The following NIPSNAP3B variants were observed in gnomAD, a reference collection of about 807,000 sequenced individuals.
The protein encoded by NIPSNAP3B is nipsnap homolog 3B, also known as protein NipSnap homolog 3B.
Under a neutral mutation model 31.5 loss-of-function variants are expected in NIPSNAP3B, and 30 were observed. The ratio of observed to expected loss-of-function variants is 0.95; its 90% CI spans 0.71 to 1.29. The LOEUF is 1.29. Ranked by LOEUF, NIPSNAP3B falls within the 50% of genes most tolerant of loss-of-function variation. The pLI, the probability that NIPSNAP3B is intolerant of heterozygous loss-of-function variation, is 0.00. For missense variants in NIPSNAP3B, 269 were observed against 300.7 expected, an observed-to-expected ratio of 0.89 and a Z score of 0.78; for synonymous variants, 106 against 107.9, an observed-to-expected ratio of 0.98 and a Z score of 0.11.
At chr9:104,787,847 A>G in the NIPSNAP3B span, 6 of 1,613,664 alleles carry the variant, frequency 3.7e-6, no homozygotes, top group African/African-American at 6.7e-5. Flanking sequence ...AGCCCTGGAC[A>G]TATAGGACTT....
At position 104,769,015 on chromosome 9, in the gene NIPSNAP3B, A is replaced by G; in HGVS notation, c.424A>G (p.Lys142Glu). ...IPWSKLEKPP[K>E]EGVYELAVFQ... The stretch of plus-strand genomic sequence containing the variant: ...ATGGTCCAAATTAGAAAAGCCTCCA[A>G]AAGAAGGTGAGTTCTTCCCTCTTAG... Residue 142 changes from lysine to glutamate, a missense_variant, in exon 3 of 6, where the codon AAA (lysine) becomes GAA (glutamate). Lys to Glu is a moderately conservative substitution (Grantham distance 56). Coordinates refer to ENST00000374762, the MANE Select transcript of NIPSNAP3B (RefSeq NM_018376.4). 2 of 1,612,070 alleles carry G rather than the reference A, an allele frequency of 1.2e-6. No homozygotes were observed. The highest frequency in any genetic ancestry group is 1.7e-6 in the Non-Finnish European group (2 of 1,179,220).
chr9:104,764,224 A>C lies in NIPSNAP3B; in HGVS notation c.-17A>C, dbSNP rs1295243193. Reference sequence around the variant, plus strand: ...AAGGACTCGGCTGGCTGCTTTTCTCAGTGCCGAAGCCGCGCCATGCTCGTT... The same window carrying C: ...AAGGACTCGGCTGGCTGCTTTTCTCCGTGCCGAAGCCGCGCCATGCTCGTT... On this transcript the variant is annotated 5_prime_UTR_variant, in exon 1 of 6. Transcript: ENST00000374762. 3.1e-6 allele frequency: 5 copies of C among 1,598,902 alleles called. No homozygotes were observed. The highest frequency in any genetic ancestry group is 4.3e-6 in the Non-Finnish European group (5 of 1,174,656).
chr9:104,786,005 C>A, the NIPSNAP3B span, among the ~76,000 whole-genome samples: 1 of 152,140 alleles, frequency 6.6e-6, no homozygotes, highest in Non-Finnish European at 1.5e-5. Context: ...CTCACCAGTA[C>A]TGGCACATGT....
rs966994939 is a variant in NIPSNAP3B at position 104,774,302 on chromosome 9, C to A, written c.*1229C>A. On this transcript the variant is annotated 3_prime_UTR_variant, in exon 6 of 6. Transcript: ENST00000374762. ...AGGCTCTAAGCGATCTGCAGTTTAT[C>A]TGGGCTATTATGCAATGTGAGATAT... is the stretch of plus-strand genomic sequence containing the variant. 3.3e-5 allele frequency among the ~76,000 whole-genome samples: 5 copies of A among 152,166 alleles called. No individual in the cohort carries two copies. The highest frequency in any genetic ancestry group is 1.3e-4 in the Admixed American group (2 of 15,270).
the NIPSNAP3B span, chr9:104,783,972 C>A: frequency 4.6e-6 from 1 of 215,636 alleles, no homozygotes; most frequent in East Asian, 1.1e-4. Context: ...TTGTTGCAAC[C>A]CCAATGAGAA....
rs1828310274 is a variant in NIPSNAP3B, at chr9:104,775,222, A to AT, written c.*2156dup. ...AAAAAAAAAAGAGTAAAATCACCCC[A>AT]TTTTTTTCCTTTACAATATGACTCA... On this transcript the variant is annotated 3_prime_UTR_variant, in exon 6 of 6. Transcript: ENST00000374762. 6.7e-6 allele frequency among the ~76,000 whole-genome samples: 1 copy of AT among 149,714 alleles called. No homozygotes were observed. The highest frequency in any genetic ancestry group is 1.5e-5 in the Non-Finnish European group (1 of 67,336).
At chr9:104,784,591 CTG>C in the NIPSNAP3B span, 4 of 1,065,350 alleles carry the variant, frequency 3.8e-6, no homozygotes, top group Admixed American at 2.1e-5. Flanking sequence ...AACTAGAAAA[CTG>C]TGTGTGAAGG....
intron 4 of NIPSNAP3B, among the ~76,000 whole-genome samples, chr9:104,771,838 CCCA>C (rs1238362361): frequency 1.3e-5 from 2 of 152,182 alleles, no homozygotes; most frequent in African/African-American, 4.8e-5. Flanking sequence ...AATTTACACT[CCCA>C]CCAACAGGGT....
chr9:104,788,064 T>C, the NIPSNAP3B span: 1 of 1,614,082 alleles, frequency 6.2e-7, no homozygotes, highest in East Asian at 2.2e-5. Context: ...CCTACAGTGA[T>C]AAAAAGCACC....
At chr9:104,778,159 A>G, downstream of NIPSNAP3B, among the ~76,000 whole-genome samples, 1 of 152,204 alleles carries the variant, frequency 6.6e-6, no homozygotes. Context: ...AGGCTCAAGA[A>G]TGTTCCCTAT....
rs1828325419 is a variant in NIPSNAP3B at position 104,775,881 on chromosome 9, A to G, written c.*2808A>G. On this transcript the variant is annotated 3_prime_UTR_variant, in exon 6 of 6. Coordinates refer to ENST00000374762, the MANE Select transcript of NIPSNAP3B (RefSeq NM_018376.4). ...TGTCAGCAGGTCCCAAATATCTAGA[A>G]TTTGATTGCTTCACATCCCTATAGC... Among the ~76,000 whole-genome samples the G allele has an allele frequency of 6.6e-6, 1 of 152,150 alleles. No individual in the cohort carries two copies. The highest frequency in any genetic ancestry group is 1.5e-5 in the Non-Finnish European group (1 of 68,018).
downstream of NIPSNAP3B, chr9:104,781,265 A>G (rs1489498348): frequency 6.6e-6 from 1 of 152,626 alleles, no homozygotes; most frequent in Admixed American, 6.5e-5. Context: ...ATGAACAAAG[A>G]GCACAAAAAC....
chr9:104,789,638 C>T, the NIPSNAP3B span, among the ~76,000 whole-genome samples: 5 of 152,152 alleles, frequency 3.3e-5, no homozygotes, highest in Non-Finnish European at 7.3e-5. Flanking sequence ...GCAGAGTGCA[C>T]TACAATTAGT....
At chr9:104,765,443 A>G (rs1431307465) in intron 1 of NIPSNAP3B, among the ~76,000 whole-genome samples, 1 of 152,200 alleles carries the variant, frequency 6.6e-6, no homozygotes, top group Non-Finnish European at 1.5e-5. Flanking sequence ...GTACATACAG[A>G]CAGACTGGAT....
chr9:104,772,690 T>C (rs1198022673), intron 4 of NIPSNAP3B, 132 bp from the exon 5 acceptor site: 3 of 1,097,042 alleles, frequency 2.7e-6, no homozygotes, highest in South Asian at 2.7e-5. Flanking sequence ...TGAAATCTTA[T>C]AACTAACATA....
the NIPSNAP3B span, chr9:104,786,185 G>A: frequency 1.1e-6 from 1 of 899,016 alleles, no homozygotes; most frequent in East Asian, 2.5e-5. Context: ...CCACTATACT[G>A]TTTTGCTCAG....
the NIPSNAP3B span, chr9:104,784,281 T>G: frequency 6.2e-7 from 1 of 1,613,794 alleles, no homozygotes; most frequent in Non-Finnish European, 8.5e-7. Context: ...CTAGTTCCTC[T>G]TTACTTTCAG....
In NIPSNAP3B at chr9:104,766,374, A is replaced by G. The variant is rs141665560; in HGVS notation, c.110A>G (p.Tyr37Cys). ...CCTAGACAATACGATGGAACGTTCT[A>G]TGAATTTCGTACTTATTACCTTAAA... Reference protein sequence around the residue: ...TGPRQYDGTFYEFRTYYLKPS... With the variant: ...TGPRQYDGTFCEFRTYYLKPS... Residue 37 changes from tyrosine (Y) to cysteine (C), a missense_variant, in exon 2 of 6, where the codon TAT (tyrosine) becomes TGT (cysteine). Tyr to Cys is a radical substitution (Grantham distance 194). Transcript: ENST00000374762. The G allele has an allele frequency of 8.7e-6, 14 of 1,613,784 alleles. No individual in the cohort carries two copies. The African/African-American group carries it at 1.5e-4, about 17-fold the overall frequency.
downstream of NIPSNAP3B, among the ~76,000 whole-genome samples, chr9:104,778,970 C>G (rs988304127): frequency 6.6e-6 from 1 of 152,234 alleles, no homozygotes; most frequent in Non-Finnish European, 1.5e-5. Flanking sequence ...CCCCCTGCCA[C>G]TCTTGTCCTT....
Sources: gnomAD v4.1 joint callset for allele counts (sites outside exome capture counted in the v4.1 genomes callset) on GRCh38, gnomAD v4.1.1 for gene constraint, MANE v1.5 for transcripts, NCBI Gene and HGNC (gene_info 2026-07-23, HGNC 2026-07-21) for gene names.